The following MMP16 variants were observed in gnomAD, a reference collection of about 807,000 sequenced individuals.
MMP16 encodes matrix metallopeptidase 16.
In MMP16, 12 loss-of-function variants were observed where a neutral mutation model predicts 67.8. The observed-to-expected ratio is 0.18, with a 90% confidence interval of 0.11 to 0.29. The LOEUF (loss-of-function observed/expected upper bound fraction) is 0.29, where lower values mean the gene tolerates loss of function less well. Among genes scored for constraint, MMP16 ranks in the 10% least tolerant of loss-of-function variants. The pLI is 1.00. For synonymous variants in MMP16, 249 were observed against 255.9 expected, an observed-to-expected ratio of 0.97 and a Z score of 0.26; for missense variants, 475 against 765.7, an observed-to-expected ratio of 0.62 and a Z score of 4.48.
intron 4 of MMP16, among the ~76,000 whole-genome samples, chr8:88,138,654 T>G (rs1164808184): frequency 7.2e-5 from 11 of 152,062 alleles, no homozygotes; most frequent in Non-Finnish European, 1.6e-4. Context: ...CTCTGTAAGA[T>G]AGTATCAACC....
chr8:88,082,874 C>A (rs1221423538), intron 6 of MMP16, among the ~76,000 whole-genome samples: 2 of 151,476 alleles, frequency 1.3e-5, no homozygotes, highest in Non-Finnish European at 2.9e-5. Context: ...AAAAATAAAT[C>A]CCTAAATTCA....
Position 88,286,327 on chromosome 8 carries a change from C to T in MMP16, c.132+40748G>A, listed in dbSNP as rs577803180. Among the ~76,000 whole-genome samples, 4 of 152,262 alleles carry T rather than the reference C, an allele frequency of 2.6e-5. No homozygotes were observed. The South Asian group carries it at 8.3e-4, about 32-fold the overall frequency. On this transcript the variant is annotated intron_variant, in intron 1 of 9. Coordinates refer to ENST00000286614, the MANE Select transcript of MMP16 (RefSeq NM_005941.5). ...TTTTTCCTTTCCTAAATAATATTCTCCTTATCCTTGGCTTTGGTTACCTCC... is the reference window on the plus strand; with the variant it reads ...TTTTTCCTTTCCTAAATAATATTCTTCTTATCCTTGGCTTTGGTTACCTCC...
chr8:88,159,938 T>C (rs1808585172), intron 4 of MMP16, among the ~76,000 whole-genome samples: 1 of 152,078 alleles, frequency 6.6e-6, no homozygotes, highest in South Asian at 2.1e-4. Flanking sequence ...TTACGTTTAT[T>C]GATTTGTTGT....
At chr8:88,217,710 T>A (rs1024522906) in intron 1 of MMP16, among the ~76,000 whole-genome samples, 4 of 151,946 alleles carry the variant, frequency 2.6e-5, no homozygotes, top group Non-Finnish European at 4.4e-5. Flanking sequence ...TTAGAAAAAA[T>A]TTGATCCTTA....
At chr8:88,310,006 G>A (rs1247783296) in intron 1 of MMP16, among the ~76,000 whole-genome samples, 1 of 152,040 alleles carries the variant, frequency 6.6e-6, no homozygotes, top group Non-Finnish European at 1.5e-5. Flanking sequence ...AAAGAGGGAT[G>A]GAAATCAGTT....
chr8:88,047,014 A>G (rs1410652951), intron 8 of MMP16, among the ~76,000 whole-genome samples: 1 of 152,188 alleles, frequency 6.6e-6, no homozygotes, highest in African/African-American at 2.4e-5. Context: ...TGCATATATT[A>G]AAAATGGGCA....
chr8:88,075,916 TTATCAATTACTCA>T lies in MMP16; in HGVS notation c.1084-1186_1084-1174del, dbSNP rs569577628. On this transcript the variant is annotated intron_variant, in intron 6 of 9. Transcript: ENST00000286614. ...TTAGCCTGACCAAACTTTCTAGGAT[TTATCAATTACTCA>T]TATATTCATACACACACACACACAC... Among the ~76,000 whole-genome samples, 199 of 141,396 alleles carry T rather than the reference TTATCAATTACTCA, an allele frequency of 1.4e-3. 1 individual carries two copies. Among genetic ancestry groups the T allele is most frequent in the Middle Eastern group, 7.5e-3 (2 of 266 alleles). 92.8% of individuals were successfully genotyped at this position (141,396 alleles called of 152,430 possible). A position where few individuals can be genotyped will look rare whatever the true frequency, so the allele number is the denominator to read the frequency against.
intron 1 of MMP16, among the ~76,000 whole-genome samples, chr8:88,257,515 C>A (rs1474072189): frequency 1.3e-5 from 2 of 152,204 alleles, no homozygotes; most frequent in African/African-American, 2.4e-5. Flanking sequence ...ATTCTCCTAG[C>A]AAATATTCAA....
chr8:88,104,552 C>A (rs1000686729), intron 6 of MMP16, among the ~76,000 whole-genome samples: 1 of 151,578 alleles, frequency 6.6e-6, no homozygotes, highest in African/African-American at 2.4e-5. Flanking sequence ...TGTCAACAAA[C>A]CTATTGCGCT....
At chr8:88,193,519 T>C (rs1334292679) in intron 2 of MMP16, among the ~76,000 whole-genome samples, 3 of 152,022 alleles carry the variant, frequency 2.0e-5, no homozygotes, top group African/African-American at 7.2e-5. Flanking sequence ...TAAGAGATAG[T>C]AGTAAATAGC....
intron 2 of MMP16, among the ~76,000 whole-genome samples, chr8:88,194,762 T>A (rs2129775591): frequency 6.6e-6 from 1 of 152,042 alleles, no homozygotes. Context: ...CCAGGTGTAA[T>A]ACTCTGAAGA....
At chr8:88,254,861 A>G (rs548502303) in intron 1 of MMP16, among the ~76,000 whole-genome samples, 1 of 152,298 alleles carries the variant, frequency 6.6e-6, no homozygotes, top group East Asian at 1.9e-4. Flanking sequence ...ACAATAGTGC[A>G]TCAATCTTAG....
At chr8:88,096,164 T>C (rs1809022520) in intron 6 of MMP16, among the ~76,000 whole-genome samples, 1 of 151,934 alleles carries the variant, frequency 6.6e-6, no homozygotes, top group Non-Finnish European at 1.5e-5. Context: ...ATATCAACGA[T>C]GTGAGAATAT....
At chr8:88,268,116 G>T (rs565149127) in intron 1 of MMP16, among the ~76,000 whole-genome samples, 1 of 152,316 alleles carries the variant, frequency 6.6e-6, no homozygotes, top group African/African-American at 2.4e-5. Flanking sequence ...GCCAAGGTGG[G>T]TGGATTGCCT....
intron 1 of MMP16, among the ~76,000 whole-genome samples, chr8:88,230,546 T>C (rs1412942216): frequency 1.3e-5 from 2 of 151,792 alleles, no homozygotes; most frequent in Admixed American, 1.3e-4. Flanking sequence ...TTTTTTTTTT[T>C]TTTTTTAGTA....
chr8:88,093,946 A>G (rs940585177), intron 6 of MMP16, among the ~76,000 whole-genome samples: 2 of 151,870 alleles, frequency 1.3e-5, no homozygotes, highest in Admixed American at 6.6e-5. Context: ...TCTACATGCT[A>G]TATCAGAATT....
intron 3 of MMP16, 126 bp downstream of exon 3, chr8:88,186,350 C>T: frequency 2.4e-6 from 3 of 1,275,898 alleles, no homozygotes; most frequent in Non-Finnish European, 3.3e-6. Flanking sequence ...TTTTAAATCT[C>T]TTATGTTAAC....
chr8:88,184,966 T>C (rs939739525), intron 3 of MMP16, among the ~76,000 whole-genome samples: 6 of 152,008 alleles, frequency 3.9e-5, no homozygotes, highest in African/African-American at 1.5e-4. Context: ...ATTGTAGAGA[T>C]GATAAAAAAA....
chr8:88,140,555 A>G (rs1396329277), intron 4 of MMP16, among the ~76,000 whole-genome samples: 1 of 152,122 alleles, frequency 6.6e-6, no homozygotes, highest in East Asian at 1.9e-4. Flanking sequence ...CTCAAATTAT[A>G]ATTTATTCAA....
Sources: allele counts gnomAD v4.1 joint callset (sites outside exome capture counted in the v4.1 genomes callset), GRCh38; gene constraint gnomAD v4.1.1; transcripts MANE v1.5; gene names NCBI Gene and HGNC (gene_info 2026-07-23, HGNC 2026-07-21).